Variants in KPNA6 observed in about 807,000 individuals in gnomAD.
The protein encoded by KPNA6 is karyopherin subunit alpha 6, also known as importin subunit alpha-7.
In KPNA6, 9 loss-of-function variants were observed where a neutral mutation model predicts 72.0. The observed-to-expected ratio is 0.13, with a 90% confidence interval of 0.08 to 0.22. The LOEUF (loss-of-function observed/expected upper bound fraction) is 0.22, where lower values mean the gene tolerates loss of function less well. Among genes scored for constraint, KPNA6 ranks in the 10% least tolerant of loss-of-function variants. The pLI is 1.00. For missense variants in KPNA6, 374 were observed against 655.7 expected, an observed-to-expected ratio of 0.57 and a Z score of 4.69; for synonymous variants, 219 against 242.1, an observed-to-expected ratio of 0.90 and a Z score of 0.89.
chr1:32,111,187 C>T (rs1232670805), intron 1 of KPNA6, among the ~76,000 whole-genome samples: 2 of 152,068 alleles, frequency 1.3e-5, no homozygotes, highest in African/African-American at 2.4e-5. Context: ...GTTTAATAAG[C>T]TCAGTGAAAT....
intron 1 of KPNA6, among the ~76,000 whole-genome samples, chr1:32,119,572 G>T (rs1259831412): frequency 6.6e-6 from 1 of 152,100 alleles, no homozygotes; most frequent in Non-Finnish European, 1.5e-5. Flanking sequence ...TTATATTCTA[G>T]TGAATAATTT....
At chr1:32,153,016 C>CAAAAAAA (rs766574019) in intron 1 of KPNA6, among the ~76,000 whole-genome samples, 1 of 34,942 alleles carries the variant, frequency 2.9e-5, no homozygotes. Context: ...GACTCCATCT[C>CAAAAAAA]AAAAAAAAAA....
intron 1 of KPNA6, among the ~76,000 whole-genome samples, chr1:32,141,284 C>T (rs1400372106): frequency 1.4e-5 from 2 of 145,692 alleles, no homozygotes; most frequent in Non-Finnish European, 3.0e-5. Context: ...AAATGGAGCA[C>T]TATGGCAATC....
intron 7 of KPNA6, among the ~76,000 whole-genome samples, chr1:32,161,010 G>A (rs1642228234): frequency 1.3e-5 from 2 of 152,098 alleles, no homozygotes; most frequent in Non-Finnish European, 2.9e-5. Flanking sequence ...ACAAAAGTTA[G>A]CCAGGTGTGG....
chr1:32,157,844 CTG>C (rs1642171330), intron 4 of KPNA6, among the ~76,000 whole-genome samples: 1 of 152,304 alleles, frequency 6.6e-6, no homozygotes, highest in East Asian at 1.9e-4. Flanking sequence ...GTACCTAGAA[CTG>C]TGTGGCACAC....
chr1:32,155,667 C>T (rs72666762), intron 2 of KPNA6, among the ~76,000 whole-genome samples: 12,428 of 151,492 alleles, frequency 0.082, 746 homozygotes, highest in South Asian at 0.25. Context: ...TGCACTCCTA[C>T]GCCACCCCGC....
chr1:32,157,394 T>C lies in KPNA6; in HGVS notation c.280T>C (p.Ser94Pro), dbSNP rs756071005. Residue 94 changes from serine (S) to proline (P), a missense_variant, in exon 4 of 14, where the codon TCT becomes CCT. This residue lies in a region of KPNA6 where 298 missense variants were observed against 495.4 expected (regional missense o/e 0.60). Coordinates refer to ENST00000373625, the MANE Select transcript of KPNA6 (RefSeq NM_012316.5). ...GGTGGAGATGCTCTTTTCTGATGAT[T>C]CTGACCTGCAGTTAGCAACCACACA... ...EMVEMLFSDD[S>P]DLQLATTQKF... The C allele has an allele frequency of 6.2e-7, 1 of 1,614,098 alleles. No individual in the cohort carries two copies. The highest frequency in any genetic ancestry group is 1.1e-5 in the South Asian group (1 of 91,082).
In KPNA6 at chr1:32,159,511, T is replaced by G; in HGVS notation, c.538T>G (p.Phe180Val). ...TTTTATAGAGCTGCTTAATTCAGAC[T>G]TTGAGGATGTTCAGGAACAGGTAAT... The part of the protein sequence containing the change: ...PIFIELLNSD[F>V]EDVQEQAVWA... The change falls in exon 6 of 14, where the codon TTT (phenylalanine) becomes GTT (valine). Residue 180 changes from phenylalanine to valine, a missense_variant. By Grantham distance (50) the Phe-to-Val change is conservative (BLOSUM62 -1). Around this residue, in one of 3 missense-constraint regions of KPNA6, gnomAD observed 298 missense variants for 495.4 expected, o/e 0.60. Transcript: ENST00000373625. 1 of 1,614,076 alleles carries G rather than the reference T, an allele frequency of 6.2e-7. No individual in the cohort carries two copies. The highest frequency in any genetic ancestry group is 8.5e-7 in the Non-Finnish European group (1 of 1,179,958).
At chr1:32,163,411 C>G in intron 10 of KPNA6, 98 bp downstream of exon 10, 1 of 819,288 alleles carries the variant, frequency 1.2e-6, no homozygotes, top group Non-Finnish European at 2.0e-6. Context: ...GGCTGTGGTC[C>G]TGATGGGAGG....
At chr1:32,123,097 G>A (rs1641464115) in intron 1 of KPNA6, among the ~76,000 whole-genome samples, 2 of 152,080 alleles carry the variant, frequency 1.3e-5, no homozygotes, top group Non-Finnish European at 2.9e-5. Context: ...ACAGAGTCCA[G>A]AAATAATTAG....
chr1:32,109,466 C>A lies in KPNA6; in HGVS notation c.4+1332C>A, dbSNP rs1641205374. Among the ~76,000 whole-genome samples the A allele has an allele frequency of 3.3e-5, 5 of 151,990 alleles. No individual in the cohort carries two copies. In the South Asian group the frequency reaches 1.0e-3, roughly 32 times the overall value. On this transcript the variant is annotated intron_variant, in intron 1 of 13. Transcript: ENST00000373625. Reference sequence around the variant, plus strand: ...GGATTACAGGTGTGAGCCACTGCGTCCAGCCTGTTTTTTTGTTTTGTTTTT... The same window carrying A: ...GGATTACAGGTGTGAGCCACTGCGTACAGCCTGTTTTTTTGTTTTGTTTTT...
In KPNA6 at chr1:32,173,427, A is replaced by G. The variant is rs1237616215; in HGVS notation, c.*2533A>G. ...GGTGATCTGGCTGCTGCTTAAAGCC[A>G]GTTTTCCCTAAGAACTCCAAAGGCT... is the stretch of plus-strand genomic sequence containing the variant. On this transcript the variant is annotated 3_prime_UTR_variant, in exon 14 of 14. Transcript: ENST00000373625. The G allele has an allele frequency of 4.0e-6, 1 of 250,514 alleles. No homozygotes were observed. Among genetic ancestry groups the G allele is most frequent in the Middle Eastern group, 1.2e-3 (1 of 852 alleles). 15.5% of individuals were successfully genotyped at this position (250,514 alleles called of 1,614,324 possible). A position where few individuals can be genotyped will look rare whatever the true frequency, so the allele number is the denominator to read the frequency against.
intron 10 of KPNA6, 90 bp from the exon 11 acceptor site, chr1:32,166,007 AACAAAAAC>A: frequency 5.5e-6 from 7 of 1,279,458 alleles, no homozygotes; most frequent in South Asian, 3.8e-5. Context: ...CAAAAAAAAA[AACAAAAAC>A]AACAACAACA....
Position 32,170,928 on chromosome 1 carries a change from C to T in KPNA6, c.*34C>T. 3 of 1,592,642 alleles carry T rather than the reference C, an allele frequency of 1.9e-6. No homozygotes were observed. Among genetic ancestry groups the T allele is most frequent in the Non-Finnish European group, 1.7e-6 (2 of 1,161,726 alleles). ...TCCAGGGAGGGGAGGGGATGGGAAG[C>T]ACCACCAGCCAGCGGAAGAGCAGCC... On this transcript the variant is annotated 3_prime_UTR_variant, in exon 14 of 14. Coordinates refer to ENST00000373625, the MANE Select transcript of KPNA6 (RefSeq NM_012316.5).
At chr1:32,117,195 C>T (rs975605701) in intron 1 of KPNA6, among the ~76,000 whole-genome samples, 3 of 147,776 alleles carry the variant, frequency 2.0e-5, no homozygotes, top group East Asian at 2.0e-4. Flanking sequence ...TTTTTTGAGA[C>T]GGAGTTTCAC....
Position 32,113,453 on chromosome 1 carries a change from TG to T in KPNA6, c.4+5320del, listed in dbSNP as rs550674044. On this transcript the variant is annotated intron_variant, in intron 1 of 13. Transcript: ENST00000373625. ...ATGTGTGTATGTATGTATGTATATA[TG>T]TTTTTTTTATTTATTAAGACAGGGT... Among the ~76,000 whole-genome samples, 106 of 152,232 alleles carry T rather than the reference TG, an allele frequency of 7.0e-4. No homozygotes were observed. The South Asian group carries it at 0.011, about 16-fold the overall frequency.
intron 7 of KPNA6, among the ~76,000 whole-genome samples, chr1:32,161,491 A>G (rs1642237982): frequency 6.6e-6 from 1 of 152,230 alleles, no homozygotes. Context: ...CAGAGACCAC[A>G]GTCTCATAGC....
intron 10 of KPNA6, among the ~76,000 whole-genome samples, chr1:32,164,471 C>T (rs1289969417): frequency 6.6e-6 from 1 of 152,140 alleles, no homozygotes; most frequent in Non-Finnish European, 1.5e-5. Flanking sequence ...TGCACAGCTG[C>T]TATGCCATCT....
At chr1:32,155,065 G>C (rs1054841530) in intron 2 of KPNA6, among the ~76,000 whole-genome samples, 7 of 141,306 alleles carry the variant, frequency 5.0e-5, no homozygotes, top group African/African-American at 1.8e-4. Context: ...AGCTGAGTTC[G>C]TGCCATTGCA....
Sources: gnomAD v4.1 joint callset for allele counts (sites outside exome capture counted in the v4.1 genomes callset) on GRCh38, gnomAD v4.1.1 for gene constraint, gnomAD v4.1.1 regional missense constraint, MANE v1.5 for transcripts, NCBI Gene and HGNC (gene_info 2026-07-23, HGNC 2026-07-21) for gene names.